Variants in RFX4 observed in about 807,000 individuals in gnomAD.
RFX4 encodes the protein regulatory factor X4.
A neutral mutation model predicts 95.0 loss-of-function variants in RFX4; 10 were observed. The observed-to-expected ratio is 0.11, with a 90% CI of 0.06 to 0.18. The LOEUF (loss-of-function observed/expected upper bound fraction) is 0.18, where lower values mean the gene tolerates loss of function less well. RFX4 is among the 10% of genes least tolerant of loss of function. RFX4 has a pLI of 1.00. For missense variants in RFX4, 640 were observed against 922.0 expected (o/e 0.69, Z 3.96); for synonymous variants, 321 against 340.7 (o/e 0.94, Z 0.64).
chr12:106,684,980 C>G, intron 5 of RFX4: 1 of 1,594,782 alleles, frequency 6.3e-7, no homozygotes, highest in Non-Finnish European at 8.6e-7. Flanking sequence ...CTCGCAAAAG[C>G]CCTTCCCATA....
At chr12:106,658,204 A>ATGTTAATAAC (rs1199790242) in intron 4 of RFX4, among the ~76,000 whole-genome samples, 2 of 152,180 alleles carry the variant, frequency 1.3e-5, no homozygotes, top group Non-Finnish European at 2.9e-5. Context: ...AACTCGTTTA[A>ATGTTAATAAC]CCTTCATGAT....
intron 10 of RFX4, among the ~76,000 whole-genome samples, chr12:106,711,974 A>T (rs2042198704): frequency 6.6e-6 from 1 of 152,256 alleles, no homozygotes; most frequent in Non-Finnish European, 1.5e-5. Context: ...ATATAAGTGT[A>T]GTAAGTAAAA....
At position 106,669,550 on chromosome 12, in the gene RFX4, G is replaced by A. The variant is rs1288491840; in HGVS notation, c.316-12443G>A. 2.6e-5 allele frequency among the ~76,000 whole-genome samples: 4 copies of A among 151,900 alleles called. 1 individual carries two copies. The highest frequency in any genetic ancestry group is 6.3e-3 in the Middle Eastern group (2 of 316). ...AGAACAGAGACTTCCTCATTTACAC[G>A]GTGGCCCTCTTCTTCTAGTCCCACC... On this transcript the variant is annotated intron_variant, in intron 4 of 17. Transcript: ENST00000392842.
In RFX4 at chr12:106,740,650, A is replaced by C. The variant is rs77436133; in HGVS notation, c.1634-6787A>C. On this transcript the variant is annotated intron_variant, in intron 15 of 17. Transcript: ENST00000392842. ...TGGGAGTACAGAAGTGAAAAAGAGT[A>C]ATAGTCACTTCCCGCATGGTACTTA... Among the ~76,000 whole-genome samples the C allele has an allele frequency of 9.2e-3, 1,408 of 152,330 alleles. 79 individuals carry two copies. The East Asian group carries it at 0.17, about 18-fold the overall frequency.
chr12:106,587,180 C>G (rs1393469004), intron 1 of RFX4, among the ~76,000 whole-genome samples: 3 of 152,204 alleles, frequency 2.0e-5, no homozygotes, highest in Non-Finnish European at 4.4e-5. Flanking sequence ...CGACTCTGTG[C>G]GGCAGCCTGG....
chr12:106,679,022 A>G (rs1232905221), intron 4 of RFX4, among the ~76,000 whole-genome samples: 1 of 152,168 alleles, frequency 6.6e-6, no homozygotes, highest in Non-Finnish European at 1.5e-5. Flanking sequence ...ATGGCTTCCT[A>G]TGTATTTTAA....
intron 10 of RFX4, 185 bp from the exon 11 acceptor site, chr12:106,715,215 G>C (rs1240681964): frequency 1.6e-6 from 1 of 637,770 alleles, no homozygotes; most frequent in South Asian, 2.3e-5. Flanking sequence ...AACCATAGGA[G>C]AAAACAGTGT....
chr12:106,661,373 G>A (rs995067224), intron 4 of RFX4, among the ~76,000 whole-genome samples: 6 of 152,146 alleles, frequency 3.9e-5, no homozygotes, highest in South Asian at 2.1e-4. Context: ...TGGGTTTTTT[G>A]TTTGTGCATT....
At chr12:106,733,960 G>A (rs2042660819) in intron 15 of RFX4, among the ~76,000 whole-genome samples, 1 of 152,102 alleles carries the variant, frequency 6.6e-6, no homozygotes, top group African/African-American at 2.4e-5. Context: ...AAGAAAATGT[G>A]GTATATACAT....
intron 2 of RFX4, among the ~76,000 whole-genome samples, chr12:106,622,599 G>C (rs1171215777): frequency 1.3e-5 from 2 of 149,806 alleles, no homozygotes; most frequent in African/African-American, 4.9e-5. Context: ...TTCCCTTCAA[G>C]TCCTTAGCCC....
intron 4 of RFX4, among the ~76,000 whole-genome samples, chr12:106,678,051 A>G (rs979456197): frequency 1.3e-5 from 2 of 152,260 alleles, no homozygotes; most frequent in African/African-American, 4.8e-5. Context: ...ACCATCAGGA[A>G]TGAAGGGAGT....
chr12:106,711,406 A>G, intron 9 of RFX4, 47 bp from the exon 10 acceptor site: 1 of 1,561,226 alleles, frequency 6.4e-7, no homozygotes, highest in Non-Finnish European at 8.8e-7. Flanking sequence ...CCAAGTTAGA[A>G]TCATAAAGCA....
At chr12:106,650,654 G>A (rs1379340085) in intron 3 of RFX4, among the ~76,000 whole-genome samples, 1 of 152,122 alleles carries the variant, frequency 6.6e-6, no homozygotes, top group African/African-American at 2.4e-5. Context: ...CTTGAACCGG[G>A]GAGGCGGAGG....
intron 2 of RFX4, among the ~76,000 whole-genome samples, chr12:106,615,183 C>G (rs893252413): frequency 1.3e-5 from 2 of 151,774 alleles, no homozygotes; most frequent in African/African-American, 4.8e-5. Context: ...AATCAAAGTT[C>G]TTTTTTTTCT....
intron 8 of RFX4, among the ~76,000 whole-genome samples, chr12:106,707,834 A>G (rs552179057): frequency 6.6e-6 from 1 of 152,320 alleles, no homozygotes; most frequent in Non-Finnish European, 1.5e-5. Context: ...TCTTAAATGC[A>G]TTAAAATAAT....
At chr12:106,714,201 A>C (rs2042246409) in intron 10 of RFX4, among the ~76,000 whole-genome samples, 1 of 152,136 alleles carries the variant, frequency 6.6e-6, no homozygotes, top group Non-Finnish European at 1.5e-5. Context: ...AGGAAAGAAA[A>C]AAAAAAGGTA....
At chr12:106,614,477 CTGTGTGTGTGTGTGTGTGTGTG>C (rs34226201) in intron 2 of RFX4, among the ~76,000 whole-genome samples, 2 of 127,764 alleles carry the variant, frequency 1.6e-5, no homozygotes, top group African/African-American at 5.9e-5. Flanking sequence ...CGTCTTTTGC[CTGTGTGTGTGTGTGTGTGTGTG>C]TGTGTGTGTG....
At chr12:106,651,031 A>G (rs1485835587) in intron 3 of RFX4, among the ~76,000 whole-genome samples, 1 of 151,888 alleles carries the variant, frequency 6.6e-6, no homozygotes, top group African/African-American at 2.4e-5. Context: ...TAACTCTTGA[A>G]CTCCAAGTGG....
chr12:106,750,433 T>G, intron 16 of RFX4, among the ~76,000 whole-genome samples: 1 of 135,070 alleles, frequency 7.4e-6, no homozygotes, highest in African/African-American at 2.9e-5. Flanking sequence ...GCCAAGATCA[T>G]GCCACTGCAC....
Sources: allele counts gnomAD v4.1 joint callset (sites outside exome capture counted in the v4.1 genomes callset), GRCh38; gene constraint gnomAD v4.1.1; transcripts MANE v1.5; gene names NCBI Gene and HGNC (gene_info 2026-07-23, HGNC 2026-07-21).